Variants in VWC2L observed in about 807,000 individuals in gnomAD.
VWC2L encodes the protein von Willebrand factor C domain containing 2 like.
Under a neutral mutation model 21.6 loss-of-function variants are expected in VWC2L, and 10 were observed. The observed-to-expected ratio is 0.46, with a 90% CI of 0.29 to 0.78. The LOEUF (loss-of-function observed/expected upper bound fraction) is 0.78. VWC2L is among the 30% of genes least tolerant of loss of function. The probability of loss-of-function intolerance (pLI) is 0.10; values close to 1 mark genes in which losing one functional copy is unlikely to be tolerated. For synonymous variants in VWC2L, 96 were observed against 94.3 expected (o/e 1.02, Z -0.10); for missense variants, 209 against 277.1 (o/e 0.75, Z 1.74).
At chr2:214,512,258 A>C (rs1232592010) in intron 3 of VWC2L, among the ~76,000 whole-genome samples, 1 of 152,200 alleles carries the variant, frequency 6.6e-6, no homozygotes, top group Non-Finnish European at 1.5e-5. Context: ...CCTTCAGGAT[A>C]CCTATGCTAT....
At chr2:214,509,718 T>G (rs2105905010) in intron 3 of VWC2L, among the ~76,000 whole-genome samples, 1 of 152,360 alleles carries the variant, frequency 6.6e-6, no homozygotes, top group African/African-American at 2.4e-5. Context: ...AACCCCTTAC[T>G]GCAGAATTCC....
rs1688729583 is a variant in VWC2L, at chr2:214,490,378, TCAGTGTAGA to T, written c.520+53621_520+53629del. 2.6e-5 allele frequency among the ~76,000 whole-genome samples: 4 copies of T among 152,042 alleles called. No individual in the cohort carries two copies. In the South Asian group the frequency reaches 8.3e-4, roughly 32 times the overall value. On this transcript the variant is annotated intron_variant, in intron 3 of 3. Coordinates refer to ENST00000312504, the MANE Select transcript of VWC2L (RefSeq NM_001080500.4). Reference sequence around the variant, plus strand: ...TTTCTAGGAAAGGTTTCTGACTGATTCAGTGTAGATCATATGTCTACCCTCAGACCATTT... The same window carrying T: ...TTTCTAGGAAAGGTTTCTGACTGATTTCATATGTCTACCCTCAGACCATTT...
At chr2:214,537,606 TAGAC>T in intron 3 of VWC2L, among the ~76,000 whole-genome samples, 1 of 152,072 alleles carries the variant, frequency 6.6e-6, no homozygotes, top group East Asian at 1.9e-4. Context: ...AAGTTAAAGT[TAGAC>T]AGGATAAATA....
At chr2:214,549,298 T>C (rs142167113) in intron 3 of VWC2L, among the ~76,000 whole-genome samples, 2 of 152,364 alleles carry the variant, frequency 1.3e-5, no homozygotes, top group African/African-American at 4.8e-5. Flanking sequence ...GGGATTAGGA[T>C]GTGGGCATCC....
intron 3 of VWC2L, chr2:214,510,124 G>A (rs750824870): frequency 2.0e-5 from 3 of 152,062 alleles, no homozygotes; most frequent in Non-Finnish European, 4.4e-5. Flanking sequence ...GCTTCATTAT[G>A]TTATTCTATC....
Position 214,468,178 on chromosome 2 carries a change from G to A in VWC2L, c.520+31420G>A, listed in dbSNP as rs369714338. 5.5e-4 allele frequency among the ~76,000 whole-genome samples: 83 copies of A among 152,042 alleles called. No individual in the cohort carries two copies. In the South Asian group the frequency reaches 0.014, roughly 26 times the overall value. On this transcript the variant is annotated intron_variant, in intron 3 of 3. Transcript: ENST00000312504. ...AATACAGCCACTCACCACCGCACCC[G>A]GCTAATTTTTGTGTTTTTATTAAAG...
chr2:214,492,644 A>AT (rs1313338737), intron 3 of VWC2L, among the ~76,000 whole-genome samples: 2 of 152,224 alleles, frequency 1.3e-5, no homozygotes, highest in Admixed American at 1.3e-4. Context: ...TAAATTCAAT[A>AT]TTATAAATGC....
chr2:214,515,571 TGAGACG>T (rs900880189), intron 3 of VWC2L, among the ~76,000 whole-genome samples: 1 of 152,228 alleles, frequency 6.6e-6, no homozygotes, highest in Non-Finnish European at 1.5e-5. Context: ...TATTTATTTT[TGAGACG>T]GAGTCTCGCT....
rs1173957317 is a variant in VWC2L at position 214,577,633 on chromosome 2, G to A, written c.*1813G>A. The A allele has an allele frequency of 1.3e-5, 2 of 152,098 alleles. No homozygotes were observed. Among genetic ancestry groups the A allele is most frequent in the African/African-American group, 4.8e-5 (2 of 41,426 alleles). 9.4% of individuals were successfully genotyped at this position (152,098 alleles called of 1,614,324 possible). A position where few individuals can be genotyped will look rare whatever the true frequency, so the allele number is the denominator to read the frequency against. On this transcript the variant is annotated 3_prime_UTR_variant, in exon 4 of 4. Transcript: ENST00000312504. ...GACATACACAGTCAGCATTTCCAAG[G>A]GGTCAGTCTTCTCCATAGAGAGTGA...
At chr2:214,467,104 C>T (rs534394360) in intron 3 of VWC2L, among the ~76,000 whole-genome samples, 2 of 152,280 alleles carry the variant, frequency 1.3e-5, no homozygotes, top group East Asian at 3.9e-4. Context: ...TTCAGCATTA[C>T]CAGTACAGCA....
chr2:214,483,078 G>A (rs1265912214), intron 3 of VWC2L, among the ~76,000 whole-genome samples: 4 of 152,266 alleles, frequency 2.6e-5, no homozygotes, highest in African/African-American at 9.6e-5. Context: ...CCTATCATAT[G>A]AATGAGGAGG....
intron 3 of VWC2L, among the ~76,000 whole-genome samples, chr2:214,497,956 G>T (rs1302357057): frequency 6.6e-6 from 1 of 152,154 alleles, no homozygotes; most frequent in Non-Finnish European, 1.5e-5. Flanking sequence ...TCTGTGGCTT[G>T]GCCAAATAGA....
chr2:214,548,653 A>T lies in VWC2L; in HGVS notation c.521-27019A>T, dbSNP rs186202315. On this transcript the variant is annotated intron_variant, in intron 3 of 3. Coordinates refer to ENST00000312504, the MANE Select transcript of VWC2L (RefSeq NM_001080500.4). ...CCAAGTTGTTAACAGACAATTTGTCAAGGGGCTGCTGTGATAATAGCTTGC... is the reference window on the plus strand; with the variant it reads ...CCAAGTTGTTAACAGACAATTTGTCTAGGGGCTGCTGTGATAATAGCTTGC... Among the ~76,000 whole-genome samples the T allele has an allele frequency of 1.9e-3, 290 of 152,300 alleles. 2 individuals are homozygous for T. Among genetic ancestry groups the T allele is most frequent in the African/African-American group, 6.4e-3 (265 of 41,566 alleles).
intron 3 of VWC2L, among the ~76,000 whole-genome samples, chr2:214,467,199 T>C (rs552167175): frequency 2.9e-4 from 44 of 152,234 alleles, no homozygotes; most frequent in South Asian, 4.1e-4. Flanking sequence ...GGCTTTCTAA[T>C]GTAGCTAGCT....
chr2:214,504,020 G>A (rs1341861609), intron 3 of VWC2L, among the ~76,000 whole-genome samples: 1 of 152,284 alleles, frequency 6.6e-6, no homozygotes, highest in East Asian at 1.9e-4. Context: ...AAAACAAGAT[G>A]TATCAGGCTA....
At chr2:214,572,941 T>C (rs531619074) in intron 3 of VWC2L, among the ~76,000 whole-genome samples, 2 of 152,314 alleles carry the variant, frequency 1.3e-5, no homozygotes, top group Non-Finnish European at 2.9e-5. Context: ...CTTTGCATTC[T>C]GTCAATCAAT....
intron 3 of VWC2L, chr2:214,525,069 A>G (rs1392521245): frequency 2.4e-5 from 3 of 126,656 alleles, no homozygotes; most frequent in Non-Finnish European, 3.6e-5. Flanking sequence ...ACACACACAC[A>G]CACACACACA....
At chr2:214,509,052 A>AG (rs1331845187) in intron 3 of VWC2L, among the ~76,000 whole-genome samples, 2 of 152,126 alleles carry the variant, frequency 1.3e-5, no homozygotes, top group Admixed American at 1.3e-4. Flanking sequence ...AATCACTCTG[A>AG]GGGGAGATTT....
chr2:214,489,161 T>TCCATA lies in VWC2L; in HGVS notation c.520+52404_520+52408dup, dbSNP rs145154418. On this transcript the variant is annotated intron_variant, in intron 3 of 3. Coordinates refer to ENST00000312504, the MANE Select transcript of VWC2L (RefSeq NM_001080500.4). ...CCAATCTCTTATCCAGTCAGCCTTG[T>TCCATA]CCATAGTAGCTGGCCATAGTCATAT... 8.1e-3 allele frequency among the ~76,000 whole-genome samples: 1,227 copies of TCCATA among 152,312 alleles called. 19 individuals are homozygous for TCCATA. The highest frequency in any genetic ancestry group is 0.028 in the African/African-American group (1,163 of 41,568).
Sources: gnomAD v4.1 joint callset for allele counts (sites outside exome capture counted in the v4.1 genomes callset) on GRCh38, gnomAD v4.1.1 for gene constraint, MANE v1.5 for transcripts, NCBI Gene and HGNC (gene_info 2026-07-23, HGNC 2026-07-21) for gene names.